Variants in SYCP1 observed in about 807,000 individuals in gnomAD.
SYCP1 encodes cancer/testis antigen 8.
A neutral mutation model predicts 153.1 loss-of-function variants in SYCP1; 64 were observed. The observed-to-expected ratio is 0.42, with a 90% CI of 0.34 to 0.51. SYCP1 has a LOEUF of 0.51. SYCP1 is among the 20% of genes least tolerant of loss of function. The pLI, the probability that SYCP1 is intolerant of heterozygous loss-of-function variation, is 0.06. For missense variants in SYCP1, 997 were observed against 1,049.0 expected (o/e 0.95, Z 0.68); for synonymous variants, 384 against 341.8 (o/e 1.12, Z -1.36).
chr1:114,878,635 C>G (rs1347111566), intron 12 of SYCP1, among the ~76,000 whole-genome samples: 1 of 152,146 alleles, frequency 6.6e-6, no homozygotes, highest in Non-Finnish European at 1.5e-5. Context: ...CCTCTGCCTC[C>G]CGAGTTCAAG....
intron 29 of SYCP1, among the ~76,000 whole-genome samples, 162 bp downstream of exon 29, chr1:114,981,674 C>A (rs1172954866): frequency 6.6e-6 from 1 of 151,976 alleles, no homozygotes; most frequent in Admixed American, 6.6e-5. Flanking sequence ...CAAGGTCTTG[C>A]TGTGTTGCCT....
At chr1:114,908,759 T>C (rs1277986529) in intron 16 of SYCP1, among the ~76,000 whole-genome samples, 2 of 152,308 alleles carry the variant, frequency 1.3e-5, no homozygotes, top group East Asian at 1.9e-4. Flanking sequence ...CTATACCTGA[T>C]TGAGCAAAAC....
chr1:114,897,751 T>C (rs1667165990), intron 16 of SYCP1, among the ~76,000 whole-genome samples: 1 of 152,096 alleles, frequency 6.6e-6, no homozygotes, highest in Non-Finnish European at 1.5e-5. Flanking sequence ...TGGCTACTCA[T>C]CTAGAAAAAG....
intron 18 of SYCP1, among the ~76,000 whole-genome samples, chr1:114,912,011 G>C (rs1668215011): frequency 6.6e-6 from 1 of 152,086 alleles, no homozygotes; most frequent in Non-Finnish European, 1.5e-5. Flanking sequence ...TGGAGAGAAA[G>C]CGGGGAAATT....
intron 30 of SYCP1, among the ~76,000 whole-genome samples, chr1:114,987,484 G>T (rs1219504924): frequency 6.6e-6 from 1 of 151,930 alleles, no homozygotes. Context: ...TTGGGCAACA[G>T]TGAGACCCTC....
chr1:114,959,527 A>T (rs888747628), intron 27 of SYCP1, among the ~76,000 whole-genome samples: 4 of 152,202 alleles, frequency 2.6e-5, no homozygotes, highest in African/African-American at 9.6e-5. Context: ...TAATAATTTT[A>T]TCAGAGTGAA....
intron 27 of SYCP1, among the ~76,000 whole-genome samples, chr1:114,972,231 C>A (rs1337653543): frequency 1.3e-5 from 2 of 152,012 alleles, no homozygotes; most frequent in Non-Finnish European, 2.9e-5. Context: ...CTCTAGCGAT[C>A]CTTTGAATTT....
At chr1:114,903,303 C>T (rs1175425359) in intron 16 of SYCP1, among the ~76,000 whole-genome samples, 2 of 152,150 alleles carry the variant, frequency 1.3e-5, no homozygotes, top group Non-Finnish European at 2.9e-5. Context: ...CACTTAAATT[C>T]AATCACTCAT....
chr1:114,911,630 G>C, intron 18 of SYCP1, 48 bp downstream of exon 18: 1 of 926,208 alleles, frequency 1.1e-6, no homozygotes, highest in Non-Finnish European at 1.5e-6. Context: ...CAATTCCTAA[G>C]CTTTCTGATA....
intron 15 of SYCP1, among the ~76,000 whole-genome samples, chr1:114,890,245 A>G (rs1666607870): frequency 1.3e-5 from 2 of 152,030 alleles, no homozygotes; most frequent in Non-Finnish European, 1.5e-5. Flanking sequence ...GGTGTCCAAA[A>G]TGAAGGGGTG....
chr1:114,962,983 C>G (rs562490057), intron 27 of SYCP1, among the ~76,000 whole-genome samples: 66 of 152,140 alleles, frequency 4.3e-4, no homozygotes, highest in African/African-American at 1.6e-3. Context: ...GTTTAAGGAG[C>G]CTAAAGATAA....
intron 6 of SYCP1, chr1:114,859,542 C>T (rs1208317592): frequency 5.0e-6 from 1 of 201,228 alleles, no homozygotes; most frequent in African/African-American, 2.4e-5. Context: ...GATGATTTAG[C>T]CTTCTTTATT....
chr1:114,858,759 T>C (rs1429489912), intron 6 of SYCP1, 48 bp downstream of exon 6: 3 of 1,466,318 alleles, frequency 2.0e-6, no homozygotes, highest in East Asian at 2.3e-5. Flanking sequence ...AATCTAATCA[T>C]AATACTGTTG....
At chr1:114,884,539 A>T (rs1411991309) in intron 12 of SYCP1, among the ~76,000 whole-genome samples, 1 of 152,130 alleles carries the variant, frequency 6.6e-6, no homozygotes, top group African/African-American at 2.4e-5. Flanking sequence ...CATCAGCACA[A>T]TCATTGTTTA....
In SYCP1 at chr1:114,990,683, C is replaced by T. The variant is rs539622486; in HGVS notation, c.2704-4015C>T. ...AGACAATACTATAAATAATTGTATG[C>T]CAACAAATTAGATAACCCAGAATAA... On this transcript the variant is annotated intron_variant, in intron 30 of 31. Coordinates refer to ENST00000369522, the MANE Select transcript of SYCP1 (RefSeq NM_003176.4). Among the ~76,000 whole-genome samples the T allele has an allele frequency of 6.6e-5, 10 of 151,880 alleles. No individual in the cohort carries two copies. In the South Asian group the frequency reaches 1.9e-3, roughly 28 times the overall value.
chr1:114,894,910 A>G (rs1666957361), intron 15 of SYCP1, among the ~76,000 whole-genome samples: 1 of 152,162 alleles, frequency 6.6e-6, no homozygotes, highest in African/African-American at 2.4e-5. Context: ...TTGAAAGAGC[A>G]GAAAGGTCAG....
At chr1:114,859,682 T>C in intron 6 of SYCP1, 61 bp from the exon 7 acceptor site, 1 of 868,686 alleles carries the variant, frequency 1.2e-6, no homozygotes, top group Non-Finnish European at 1.6e-6. Flanking sequence ...TTAATGATTA[T>C]ATTCGTGTTT....
chr1:114,966,263 T>A (rs1264689825), intron 27 of SYCP1, among the ~76,000 whole-genome samples: 3 of 152,168 alleles, frequency 2.0e-5, no homozygotes, highest in Non-Finnish European at 1.5e-5. Context: ...GCTAGCAGTC[T>A]ATCTATTTTG....
At chr1:114,960,249 C>A (rs1391180698) in intron 27 of SYCP1, among the ~76,000 whole-genome samples, 1 of 144,462 alleles carries the variant, frequency 6.9e-6, no homozygotes, top group Non-Finnish European at 1.5e-5. Context: ...CTCACTGCAA[C>A]CTCCACCTCC....
Sources: gnomAD v4.1 joint callset for allele counts (sites outside exome capture counted in the v4.1 genomes callset) on GRCh38, gnomAD v4.1.1 for gene constraint, MANE v1.5 for transcripts, NCBI Gene and HGNC (gene_info 2026-07-23, HGNC 2026-07-21) for gene names.